CSMD1: variants seen among roughly 807,000 people sequenced by gnomAD.
CSMD1 encodes CUB and Sushi multiple domains 1.
Under a neutral mutation model 417.5 loss-of-function variants are expected in CSMD1, and 213 were observed. That is an observed-to-expected ratio of 0.51 (90% CI 0.46 to 0.57). The LOEUF (loss-of-function observed/expected upper bound fraction) is 0.57. CSMD1 is among the 20% of genes least tolerant of loss of function. The probability of loss-of-function intolerance (pLI) is 0.00; values close to 1 mark genes in which losing one functional copy is unlikely to be tolerated. For missense variants in CSMD1, 6,923 were observed against 4,529.7 expected (o/e 1.53, Z -15.17); for synonymous variants, 2,862 against 1,736.8 (o/e 1.65, Z -16.11).
At chr8:3,801,128 C>T (rs1374509683) in intron 5 of CSMD1, among the ~76,000 whole-genome samples, 2 of 151,720 alleles carry the variant, frequency 1.3e-5, no homozygotes, top group Admixed American at 6.6e-5. Flanking sequence ...ATTTTACCGA[C>T]ATTAAAAATT....
At chr8:4,698,279 G>A (rs1010692157) in intron 1 of CSMD1, among the ~76,000 whole-genome samples, 1 of 152,062 alleles carries the variant, frequency 6.6e-6, no homozygotes, top group African/African-American at 2.4e-5. Context: ...GTCGAATGCT[G>A]TATAAAGGCT....
At chr8:3,186,497 A>G (rs1391987194) in intron 36 of CSMD1, among the ~76,000 whole-genome samples, 1 of 152,234 alleles carries the variant, frequency 6.6e-6, no homozygotes, top group South Asian at 2.1e-4. Context: ...GCCATGCCCA[A>G]ATAAAAATAT....
chr8:3,791,622 A>G (rs1163342864), intron 5 of CSMD1, among the ~76,000 whole-genome samples: 1 of 152,170 alleles, frequency 6.6e-6, no homozygotes, highest in Non-Finnish European at 1.5e-5. Context: ...TCAGGAGTTC[A>G]AGACCAGCCT....
At chr8:4,469,162 A>T (rs1034839462) in intron 2 of CSMD1, among the ~76,000 whole-genome samples, 1 of 152,190 alleles carries the variant, frequency 6.6e-6, no homozygotes, top group East Asian at 1.9e-4. Context: ...CTACTTACTT[A>T]AAGACAAATA....
rs1024364555 is a variant in CSMD1, at chr8:3,089,426, A to G, written c.7285+2090T>C. On this transcript the variant is annotated intron_variant, in intron 48 of 69. Coordinates refer to ENST00000635120, the MANE Select transcript of CSMD1 (RefSeq NM_033225.6). Reference sequence around the variant, plus strand: ...GGAATTGTCCAGAACCACTGTTCGCAGGCATTTCTTTGTCGTTTTTAACTC... The same window carrying G: ...GGAATTGTCCAGAACCACTGTTCGCGGGCATTTCTTTGTCGTTTTTAACTC... Among the ~76,000 whole-genome samples the G allele has an allele frequency of 4.6e-5, 7 of 152,232 alleles. No individual in the cohort carries two copies. In the East Asian group the frequency reaches 1.3e-3, roughly 29 times the overall value.
At chr8:3,101,018 C>A (rs182966540) in intron 46 of CSMD1, among the ~76,000 whole-genome samples, 2 of 150,466 alleles carry the variant, frequency 1.3e-5, no homozygotes, top group African/African-American at 4.9e-5. Flanking sequence ...ATCAGAAGGT[C>A]ACTGAATCTC....
intron 1 of CSMD1, among the ~76,000 whole-genome samples, chr8:4,746,223 G>A (rs1228216091): frequency 2.0e-5 from 3 of 151,898 alleles, no homozygotes; most frequent in Admixed American, 2.0e-4. Context: ...TGGAATCACC[G>A]AAAACGTATG....
chr8:4,385,501 T>G (rs1475932901), intron 3 of CSMD1, among the ~76,000 whole-genome samples: 5 of 152,224 alleles, frequency 3.3e-5, no homozygotes, highest in Non-Finnish European at 5.9e-5. Flanking sequence ...AGCTTAGTAC[T>G]ACCGTATTAG....
At chr8:4,360,550 C>T (rs1482662134) in intron 3 of CSMD1, among the ~76,000 whole-genome samples, 2 of 152,076 alleles carry the variant, frequency 1.3e-5, no homozygotes, top group African/African-American at 2.4e-5. Context: ...AGGGCAGTGG[C>T]GCGATCTCGG....
intron 6 of CSMD1, among the ~76,000 whole-genome samples, chr8:3,715,534 A>C (rs114516389): frequency 0.013 from 1,955 of 152,162 alleles, 37 homozygotes; most frequent in African/African-American, 0.042. Context: ...AAAGCAAGCA[A>C]CCTTTTTTAT....
chr8:4,771,667 T>C (rs533150421), intron 1 of CSMD1, among the ~76,000 whole-genome samples: 17 of 152,202 alleles, frequency 1.1e-4, no homozygotes, highest in African/African-American at 3.9e-4. Flanking sequence ...AATTAAAACA[T>C]ACGCAAAGTA....
At chr8:3,933,086 C>G (rs1046602809) in intron 5 of CSMD1, among the ~76,000 whole-genome samples, 7 of 144,056 alleles carry the variant, frequency 4.9e-5, no homozygotes, top group Non-Finnish European at 9.1e-5. Context: ...ACAAAAGAAA[C>G]AACATTATTT....
chr8:4,588,405 G>A (rs1163050390), intron 2 of CSMD1, among the ~76,000 whole-genome samples: 2 of 91,712 alleles, frequency 2.2e-5, no homozygotes, highest in South Asian at 7.9e-4. Flanking sequence ...TAAAGACAGA[G>A]ATAAAGAACT....
intron 5 of CSMD1, among the ~76,000 whole-genome samples, chr8:3,969,133 G>C (rs2627458): frequency 0.17 from 26,448 of 152,064 alleles, 2,416 homozygotes; most frequent in African/African-American, 0.22. Flanking sequence ...TGCCTGTAAT[G>C]TTACTACTCG....
intron 5 of CSMD1, among the ~76,000 whole-genome samples, chr8:3,772,792 A>G (rs564723175): frequency 6.6e-6 from 1 of 151,956 alleles, no homozygotes; most frequent in East Asian, 1.9e-4. Context: ...AAGCACCATG[A>G]CAGCCAACTG....
intron 3 of CSMD1, among the ~76,000 whole-genome samples, chr8:4,204,276 A>C (rs1585017900): frequency 6.7e-6 from 1 of 150,298 alleles, no homozygotes; most frequent in Non-Finnish European, 1.5e-5. Context: ...AAAAAAAAAA[A>C]CCTCAATTTG....
intron 19 of CSMD1, 90 bp from the exon 20 acceptor site, chr8:3,367,337 G>A: frequency 6.4e-6 from 5 of 783,418 alleles, no homozygotes; most frequent in East Asian, 2.7e-5. Context: ...GAGAGAGACA[G>A]AGACATAGAG....
intron 2 of CSMD1, among the ~76,000 whole-genome samples, chr8:4,627,995 T>TAAAAA (rs34957840): frequency 6.6e-6 from 1 of 150,522 alleles, no homozygotes; most frequent in Non-Finnish European, 1.5e-5. Context: ...CTGTGACAAT[T>TAAAAA]AAAAAAAAAT....
intron 2 of CSMD1, among the ~76,000 whole-genome samples, chr8:4,537,393 T>C (rs1797153819): frequency 6.6e-6 from 1 of 152,196 alleles, no homozygotes; most frequent in African/African-American, 2.4e-5. Flanking sequence ...CAATGTAATA[T>C]TGCATATAGC....
Sources: allele counts gnomAD v4.1 joint callset (sites outside exome capture counted in the v4.1 genomes callset), GRCh38; gene constraint gnomAD v4.1.1; transcripts MANE v1.5; gene names NCBI Gene and HGNC (gene_info 2026-07-23, HGNC 2026-07-21).